LAMC2: variants seen among roughly 807,000 people sequenced by gnomAD.
The protein encoded by LAMC2 is laminin subunit gamma 2.
In LAMC2, 97 loss-of-function variants were observed where a neutral mutation model predicts 140.2. That is an observed-to-expected ratio of 0.69 (90% confidence interval 0.59 to 0.82). LAMC2 has a LOEUF of 0.82. Ranked by LOEUF, LAMC2 falls within the 40% of genes least tolerant of loss-of-function variation. The probability of loss-of-function intolerance (pLI) is 0.00; values close to 1 mark genes in which losing one functional copy is unlikely to be tolerated. For synonymous variants in LAMC2, 513 were observed against 540.2 expected (o/e 0.95, Z 0.70); for missense variants, 1,402 against 1,476.1 (o/e 0.95, Z 0.82).
At chr1:183,240,627 T>C in intron 22 of LAMC2, 2 of 1,415,262 alleles carry the variant, frequency 1.4e-6, no homozygotes, top group Non-Finnish European at 1.8e-6. Flanking sequence ...GGGGTAAAGG[T>C]CTGTGGGCCA....
the LAMC2 span, among the ~76,000 whole-genome samples, chr1:183,254,379 T>A: frequency 6.6e-6 from 1 of 152,180 alleles, no homozygotes; most frequent in African/African-American, 2.4e-5. Flanking sequence ...GCAATTTTTA[T>A]GTCATCTCTG....
At chr1:183,224,924 G>C (rs1659582394) in intron 7 of LAMC2, among the ~76,000 whole-genome samples, 1 of 152,176 alleles carries the variant, frequency 6.6e-6, no homozygotes, top group Admixed American at 6.5e-5. Context: ...CCCCTGGCTG[G>C]ATGTGATCAT....
At chr1:183,227,435 A>G in intron 9 of LAMC2, 80 bp from the exon 10 acceptor site, 1 of 1,334,466 alleles carries the variant, frequency 7.5e-7, no homozygotes, top group South Asian at 1.2e-5. Context: ...TTGACATTCT[A>G]CACTCTGACC....
intron 22 of LAMC2, among the ~76,000 whole-genome samples, chr1:183,242,035 T>C (rs1660147223): frequency 6.6e-6 from 1 of 152,176 alleles, no homozygotes; most frequent in South Asian, 2.1e-4. Flanking sequence ...TTATTTTATT[T>C]CATGAAGGAC....
chr1:183,255,923 C>G, the LAMC2 span, among the ~76,000 whole-genome samples: 1 of 151,930 alleles, frequency 6.6e-6, no homozygotes, highest in Non-Finnish European at 1.5e-5. Flanking sequence ...CTCCGCCTCC[C>G]AAAGTGCTGG....
At position 183,232,207 on chromosome 1, in the gene LAMC2, G is replaced by A. The variant is rs188751765; in HGVS notation, c.1878G>A (p.Gln626=). The A allele has an allele frequency of 4.3e-6, 7 of 1,613,916 alleles. No homozygotes were observed. In the Admixed American group the frequency reaches 6.7e-5, roughly 15 times the overall value. The change falls in exon 13 of 23, where the codon CAG becomes CAA. Residue 626 remains glutamine, a synonymous_variant. Coordinates refer to ENST00000264144, the MANE Select transcript of LAMC2 (RefSeq NM_005562.3). ...TTCAGATGGATCAGTTTATGCAGCA[G>A]CTTCAGAGAATGGAGGCCCTGATTT... The part of the protein sequence containing the change: ...VKIQMDQFMQ[Q]LQRMEALISK...
chr1:183,252,851 T>G, the LAMC2 span: 1 of 782,728 alleles, frequency 1.3e-6, no homozygotes. Context: ...TTTTCTCAGG[T>G]TGAGTAAATA....
intron 19 of LAMC2, 116 bp from the exon 20 acceptor site, chr1:183,239,248 A>C (rs2102251323): frequency 1.1e-6 from 1 of 927,292 alleles, no homozygotes; most frequent in East Asian, 2.4e-5. Flanking sequence ...CCACACCGTC[A>C]TCCCCAGTCA....
intron 1 of LAMC2, among the ~76,000 whole-genome samples, chr1:183,202,301 A>C (rs1658734452): frequency 6.6e-6 from 1 of 152,042 alleles, no homozygotes; most frequent in South Asian, 2.1e-4. Context: ...TGGCTCATAA[A>C]GTCTGATTGT....
intron 1 of LAMC2, among the ~76,000 whole-genome samples, chr1:183,191,327 C>T (rs551295903): frequency 4.9e-4 from 74 of 152,144 alleles, no homozygotes; most frequent in African/African-American, 1.7e-3. Context: ...GTGTTCTAAA[C>T]TGGGGGCAGC....
chr1:183,218,298 C>T (rs546434542), intron 3 of LAMC2, 92 bp from the exon 4 acceptor site: 7 of 1,020,084 alleles, frequency 6.9e-6, no homozygotes, highest in Middle Eastern at 2.1e-4. Context: ...TGCCCAGCTT[C>T]GTGATGTTTG....
At chr1:183,216,216 A>T (rs567189537) in intron 3 of LAMC2, among the ~76,000 whole-genome samples, 1 of 152,188 alleles carries the variant, frequency 6.6e-6, no homozygotes, top group African/African-American at 2.4e-5. Context: ...CCTTGCTGGG[A>T]CAGGAGCTGC....
chr1:183,191,720 A>G (rs1051804234), intron 1 of LAMC2, among the ~76,000 whole-genome samples: 11 of 152,120 alleles, frequency 7.2e-5, no homozygotes, highest in Non-Finnish European at 1.3e-4. Context: ...TTACCTGGGC[A>G]TGGTGGCATG....
chr1:183,227,842 T>C, intron 10 of LAMC2, 145 bp downstream of exon 10: 1 of 782,694 alleles, frequency 1.3e-6, no homozygotes, highest in East Asian at 2.7e-5. Flanking sequence ...AGATAATATC[T>C]TAAAGATAAG....
chr1:183,245,878 AGTC>A (rs1429516726), downstream of LAMC2, among the ~76,000 whole-genome samples: 1 of 152,218 alleles, frequency 6.6e-6, no homozygotes, highest in East Asian at 1.9e-4. Flanking sequence ...TTGTTTTAAA[AGTC>A]GTAAGAGGCT....
At chr1:183,238,566 T>A (rs1049913248) in intron 19 of LAMC2, 145 bp downstream of exon 19, 1 of 639,620 alleles carries the variant, frequency 1.6e-6, no homozygotes, top group Non-Finnish European at 2.8e-6. Context: ...AAAGAAAATC[T>A]TAATGCATTA....
chr1:183,189,316 A>G (rs896817057), intron 1 of LAMC2, among the ~76,000 whole-genome samples: 4 of 152,172 alleles, frequency 2.6e-5, no homozygotes, highest in African/African-American at 9.7e-5. Context: ...CAGTCTGGGC[A>G]CAGTGACTCA....
Position 183,228,365 on chromosome 1 carries a change from C to T in LAMC2, c.1469-9C>T. On this transcript the variant is annotated splice_polypyrimidine_tract_variant and intron_variant, in intron 10 of 22. Transcript: ENST00000264144. The surrounding 1 kb of genome is among the most constrained non-coding windows in gnomAD (Gnocchi z 4.3). ...GTCGACCTAGGCTTGGTCATTTGTTCCTTCCCAGGTGCCCGCTGTGAGCTC... is the reference window on the plus strand; with the variant it reads ...GTCGACCTAGGCTTGGTCATTTGTTTCTTCCCAGGTGCCCGCTGTGAGCTC... 1 of 1,614,122 alleles carries T rather than the reference C, an allele frequency of 6.2e-7. No homozygotes were observed. The highest frequency in any genetic ancestry group is 2.2e-5 in the East Asian group (1 of 44,864).
At position 183,223,260 on chromosome 1, in the gene LAMC2, A is replaced by G. The variant is rs143817389; in HGVS notation, c.889A>G (p.Thr297Ala). 3,769 of 1,614,226 alleles carry G rather than the reference A, an allele frequency of 2.3e-3. 5 individuals carry two copies. Among genetic ancestry groups the G allele is most frequent in the Non-Finnish European group, 2.8e-3 (3,296 of 1,180,032 alleles). ...TCTGGAAGGTGCTGGTCTACGGATCACAGCTCCCTTGATGCCACTTGGCAA... is the reference window on the plus strand; with the variant it reads ...TCTGGAAGGTGCTGGTCTACGGATCGCAGCTCCCTTGATGCCACTTGGCAA... ...VILEGAGLRI[T>A]APLMPLGKTL... Residue 297 changes from threonine to alanine, a missense_variant, in exon 7 of 23, where the codon ACA (threonine) becomes GCA (alanine). Physicochemically the swap from Thr to Ala is moderately conservative, Grantham distance 58 (BLOSUM62 0). Around this residue, in one of 3 missense-constraint regions of LAMC2, gnomAD observed 723 missense variants for 783.3 expected, o/e 0.92. Transcript: ENST00000264144.
Sources: allele counts gnomAD v4.1 joint callset (sites outside exome capture counted in the v4.1 genomes callset), GRCh38; gene constraint gnomAD v4.1.1; regional missense constraint gnomAD v4.1.1; non-coding constraint Gnocchi (gnomAD v3.1); transcripts MANE v1.5; gene names NCBI Gene and HGNC (gene_info 2026-07-23, HGNC 2026-07-21).